The following PUDP variants were observed in gnomAD, a reference collection of about 807,000 sequenced individuals.
The protein encoded by PUDP is pseudouridine-5'-phosphatase.
PUDP carries 8 observed loss-of-function variants against 9.4 expected under a neutral mutation model. That is an observed-to-expected ratio of 0.85 (90% CI 0.50 to 1.53). The LOEUF (loss-of-function observed/expected upper bound fraction) is 1.53, where lower values mean the gene tolerates loss of function less well. Among genes scored for constraint, PUDP ranks in the 40% most tolerant of loss-of-function variants. The pLI is 0.00. For synonymous variants in PUDP, 99 were observed against 80.7 expected (o/e 1.23, Z -1.22); for missense variants, 188 against 189.7 (o/e 0.99, Z 0.05).
intron 3 of PUDP, among the ~76,000 whole-genome samples, chrX:6,834,875 G>T (rs1926558386): frequency 9.1e-6 from 1 of 110,441 alleles, no homozygotes; most frequent in African/African-American, 3.3e-5. Context: ...ACTCATGAGG[G>T]TGCAGCCTCC....
chrX:7,045,314 G>C (rs1379941351), downstream of PUDP, among the ~76,000 whole-genome samples: 1 of 112,438 alleles, frequency 8.9e-6, no homozygotes, highest in African/African-American at 3.2e-5. Flanking sequence ...CCAGTCTCAG[G>C]CAGTATCTTT....
At chrX:7,024,503 G>C (rs890646800) in intron 1 of PUDP, among the ~76,000 whole-genome samples, 2 of 109,224 alleles carry the variant, frequency 1.8e-5, no homozygotes, top group African/African-American at 6.6e-5. Flanking sequence ...TCAATATTGT[G>C]GGTAACACTG....
chrX:6,849,897 T>C (rs1170625644), intron 3 of PUDP, among the ~76,000 whole-genome samples: 1 of 112,288 alleles, frequency 8.9e-6, no homozygotes, highest in Non-Finnish European at 1.9e-5. Flanking sequence ...CTTACATCAT[T>C]CTTTACAGTA....
intron 3 of PUDP, among the ~76,000 whole-genome samples, chrX:7,054,087 G>A (rs1429082251): frequency 8.9e-6 from 1 of 112,001 alleles, no homozygotes; most frequent in African/African-American, 3.2e-5. Context: ...AAAAGTCAAG[G>A]TTGGTAACTG....
chrX:7,101,925 T>C (rs1400155203), intron 2 of PUDP, among the ~76,000 whole-genome samples: 2 of 111,655 alleles, frequency 1.8e-5, no homozygotes, highest in Non-Finnish European at 3.8e-5. Context: ...AATAAAAGAA[T>C]TCCTAGAAAC....
At chrX:7,110,070 G>A (rs1448411329) in intron 1 of PUDP, among the ~76,000 whole-genome samples, 1 of 112,348 alleles carries the variant, frequency 8.9e-6, no homozygotes, top group East Asian at 2.8e-4. Flanking sequence ...CTGGCAGGGA[G>A]GTGGAAGCTC....
chrX:6,948,528 G>A (rs936425140), intron 3 of PUDP, among the ~76,000 whole-genome samples: 6 of 112,122 alleles, frequency 5.4e-5, no homozygotes, highest in African/African-American at 1.9e-4. Context: ...TGTTAAAATT[G>A]TAGATTCTAA....
intron 3 of PUDP, among the ~76,000 whole-genome samples, chrX:7,062,236 G>A (rs1930423907): frequency 9.0e-6 from 1 of 111,426 alleles, no homozygotes; most frequent in Non-Finnish European, 1.9e-5. Flanking sequence ...GGAGTTCATG[G>A]TCTCCAAGGC....
intron 1 of PUDP, among the ~76,000 whole-genome samples, chrX:7,120,152 G>A (rs949478348): frequency 3.6e-5 from 4 of 111,550 alleles, no homozygotes; most frequent in Non-Finnish European, 7.5e-5. Flanking sequence ...CTGCAGTAGA[G>A]AGAATAATTG....
intron 2 of PUDP, among the ~76,000 whole-genome samples, chrX:7,090,540 G>A (rs771329431): frequency 1.3e-4 from 15 of 111,703 alleles, no homozygotes; most frequent in Non-Finnish European, 2.4e-4. Flanking sequence ...TTATTAAATT[G>A]CGCTTACAAT....
chrX:6,742,957 A>G (rs770710992), intron 3 of PUDP, among the ~76,000 whole-genome samples: 15 of 112,170 alleles, frequency 1.3e-4, no homozygotes, highest in Non-Finnish European at 2.4e-4. Context: ...TTCAAAAATT[A>G]GGAAAATAAA....
At chrX:6,710,164 G>A (rs1021030854) in intron 1 of PUDP, among the ~76,000 whole-genome samples, 1 of 111,523 alleles carries the variant, frequency 9.0e-6, no homozygotes, top group African/African-American at 3.3e-5. Context: ...ACAAACAAAT[G>A]AAAGCTGAAT....
intron 3 of PUDP, among the ~76,000 whole-genome samples, chrX:6,969,757 C>T (rs982857331): frequency 9.0e-6 from 1 of 111,666 alleles, no homozygotes; most frequent in African/African-American, 3.3e-5. Flanking sequence ...AGGTGCACAC[C>T]TGTAGTCCCA....
intron 3 of PUDP, among the ~76,000 whole-genome samples, chrX:6,729,715 C>T (rs58907162): frequency 0.21 from 22,903 of 110,452 alleles, 2,027 homozygotes; most frequent in African/African-American, 0.3. Context: ...CTTCGTTACA[C>T]GCCCGGACAC....
Position 7,053,538 on chromosome X carries a change from C to T in PUDP, c.511-3066G>A, listed in dbSNP as rs995443373. Reference sequence around the variant, plus strand: ...TCTGATGGTTTTATAAGGGGAAACCCCTTTCGCTTGGCTCTTATTCTCTCT... The same window carrying T: ...TCTGATGGTTTTATAAGGGGAAACCTCTTTCGCTTGGCTCTTATTCTCTCT... On this transcript the variant is annotated intron_variant, in intron 3 of 3. Transcript: ENST00000381077. Among the ~76,000 whole-genome samples the T allele has an allele frequency of 2.7e-5, 3 of 111,705 alleles. No homozygotes were observed. The Admixed American group carries it at 2.8e-4, about 11-fold the overall frequency.
At chrX:7,071,261 T>C (rs919379164) in intron 3 of PUDP, among the ~76,000 whole-genome samples, 5 of 111,445 alleles carry the variant, frequency 4.5e-5, no homozygotes, top group Non-Finnish European at 9.4e-5. Context: ...CTTTTGACAT[T>C]ACTTATTTTT....
intron 1 of PUDP, among the ~76,000 whole-genome samples, chrX:6,999,820 A>T (rs1024279035): frequency 9.5e-4 from 105 of 110,043 alleles, no homozygotes; most frequent in Non-Finnish European, 1.8e-3. Flanking sequence ...AAATTAAAAA[A>T]AAAACCCTCA....
chrX:7,100,188 C>A (rs1460221168), intron 2 of PUDP, among the ~76,000 whole-genome samples: 5 of 109,132 alleles, frequency 4.6e-5, no homozygotes, highest in Non-Finnish European at 3.8e-5. Flanking sequence ...CAAGCTGATT[C>A]CCTGGTTATT....
chrX:7,049,126 A>G lies in PUDP; in HGVS notation c.*1170T>C, dbSNP rs919246928. 1 of 111,662 alleles carries G rather than the reference A, an allele frequency of 9.0e-6. No individual in the cohort carries two copies. The highest frequency in any genetic ancestry group is 1.9e-5 in the Non-Finnish European group (1 of 53,184). 9.2% of individuals were successfully genotyped at this position (111,662 alleles called of 1,213,427 possible). ...ATCACTCCACCACACGCACACATAC[A>G]TTCCTACGGTTTGTCCACAACTTCC... On this transcript the variant is annotated 3_prime_UTR_variant, in exon 4 of 4. Coordinates refer to ENST00000381077, the MANE Select transcript of PUDP (RefSeq NM_012080.5).
Sources: allele counts gnomAD v4.1 joint callset (sites outside exome capture counted in the v4.1 genomes callset), GRCh38; gene constraint gnomAD v4.1.1; transcripts MANE v1.5; gene names NCBI Gene and HGNC (gene_info 2026-07-23, HGNC 2026-07-21).